Variants in PCDHA12 observed in about 807,000 individuals in gnomAD.
PCDHA12 encodes the protein protocadherin alpha 12, also known as protocadherin alpha-12.
Under a neutral mutation model 60.0 loss-of-function variants are expected in PCDHA12, and 44 were observed. The ratio of observed to expected loss-of-function variants is 0.73; its 90% CI spans 0.58 to 0.94. The LOEUF is 0.94. Among genes scored for constraint, PCDHA12 ranks in the 40% least tolerant of loss-of-function variants. The pLI, the probability that PCDHA12 is intolerant of heterozygous loss-of-function variation, is 0.00. For synonymous variants in PCDHA12, 569 were observed against 553.0 expected (o/e 1.03, Z -0.40); for missense variants, 1,276 against 1,239.7 (o/e 1.03, Z -0.44).
At position 140,998,145 on chromosome 5, in the gene PCDHA12, A is replaced by G. The variant is rs115385085; in HGVS notation, c.2516-11482A>G. ...GAATCATAATAGCTAACCTGTACTG[A>G]ACAGTTAAGCCATGTGCCAAGTATT... On this transcript the variant is annotated intron_variant, in intron 3 of 3. Transcript: ENST00000398631. 2.1e-3 allele frequency among the ~76,000 whole-genome samples: 325 copies of G among 152,342 alleles called. 2 individuals carry two copies. Among genetic ancestry groups the G allele is most frequent in the African/African-American group, 7.1e-3 (294 of 41,566 alleles).
intron 3 of PCDHA12, among the ~76,000 whole-genome samples, chr5:141,007,029 T>C (rs2098299696): frequency 6.6e-6 from 1 of 152,154 alleles, no homozygotes; most frequent in Non-Finnish European, 1.5e-5. Context: ...ATATGGTATT[T>C]ATATCTATGG....
intron 1 of PCDHA12, among the ~76,000 whole-genome samples, chr5:140,892,929 C>T (rs1259333006): frequency 2.6e-5 from 4 of 152,174 alleles, no homozygotes; most frequent in Non-Finnish European, 5.9e-5. Flanking sequence ...TTCCCAGCCT[C>T]TGATAAGCAC....
At chr5:140,967,958 CG>C in intron 1 of PCDHA12, 1 of 1,614,182 alleles carries the variant, frequency 6.2e-7, no homozygotes, top group Non-Finnish European at 8.5e-7. Flanking sequence ...AGGCCCCAAC[CG>C]GAAAGTGAGC....
At chr5:140,961,872 G>A (rs2095639337) in intron 1 of PCDHA12, among the ~76,000 whole-genome samples, 1 of 151,532 alleles carries the variant, frequency 6.6e-6, no homozygotes, top group Non-Finnish European at 1.5e-5. Flanking sequence ...ACAGATAATT[G>A]ACTTACTTAC....
intron 1 of PCDHA12, among the ~76,000 whole-genome samples, chr5:140,957,852 A>ATT (rs5871756): frequency 1.3e-5 from 2 of 151,656 alleles, no homozygotes; most frequent in East Asian, 1.9e-4. Flanking sequence ...GAGTTTGTGT[A>ATT]TTTTTTTTCC....
chr5:140,876,967 G>T lies in PCDHA12; in HGVS notation c.1495G>T (p.Val499Leu), dbSNP rs200960356. Residue 499 changes from valine to leucine, a missense_variant, in exon 1 of 4, where the codon GTG becomes TTG. By Grantham distance (32) the Val-to-Leu change is conservative. Coordinates refer to ENST00000398631, the MANE Select transcript of PCDHA12 (RefSeq NM_018903.4). ...LVSYSLVERR[V>L]GEHALSSYVS... ...GTCCTACTCGCTGGTGGAGCGGCGG[G>T]TGGGCGAGCACGCACTGTCGAGCTA... The T allele has an allele frequency of 3.1e-6, 5 of 1,613,050 alleles. No homozygotes were observed. The South Asian group carries it at 3.3e-5, about 11-fold the overall frequency.
chr5:140,988,214 A>AG (rs1408259452), intron 3 of PCDHA12, among the ~76,000 whole-genome samples: 28 of 152,200 alleles, frequency 1.8e-4, no homozygotes, highest in Non-Finnish European at 4.4e-5. Flanking sequence ...AGGAAAAAAA[A>AG]ATGAGATCAG....
chr5:140,922,799 A>T (rs1188093750), intron 1 of PCDHA12, among the ~76,000 whole-genome samples: 1 of 152,264 alleles, frequency 6.6e-6, no homozygotes, highest in Non-Finnish European at 1.5e-5. Context: ...GCTTTGGAAT[A>T]CAGAAAAAGG....
At position 140,953,007 on chromosome 5, in the gene PCDHA12, T is replaced by C. The variant is rs186896706; in HGVS notation, c.2368-25942T>C. ...TCTCATGAGAACTCTCTCACTATTA[T>C]GAGAACAACATTAAGGGGGAAATCC... On this transcript the variant is annotated intron_variant, in intron 1 of 3. Transcript: ENST00000398631. 5.5e-4 allele frequency among the ~76,000 whole-genome samples: 84 copies of C among 152,242 alleles called. 1 individual carries two copies. In the East Asian group the frequency reaches 0.015, roughly 27 times the overall value.
chr5:140,969,509 C>T (rs1554231905), intron 1 of PCDHA12: 1 of 1,416,140 alleles, frequency 7.1e-7, no homozygotes, highest in Non-Finnish European at 9.4e-7. Context: ...AAAAATAGCA[C>T]TAAAGAATTG....
At chr5:140,906,518 A>G (rs377287696) in intron 1 of PCDHA12, among the ~76,000 whole-genome samples, 161 of 152,358 alleles carry the variant, frequency 1.1e-3, no homozygotes, top group African/African-American at 3.7e-3. Flanking sequence ...AGGAGGAAAT[A>G]CTCACGACAA....
intron 3 of PCDHA12, among the ~76,000 whole-genome samples, chr5:141,006,916 A>G (rs111263219): frequency 0.011 from 1,648 of 152,304 alleles, 31 homozygotes; most frequent in African/African-American, 0.038. Context: ...TGGGATGCCC[A>G]TGAGATTTCC....
chr5:140,902,185 T>TTCTC (rs370111655), intron 1 of PCDHA12, among the ~76,000 whole-genome samples: 1 of 150,794 alleles, frequency 6.6e-6, no homozygotes, highest in African/African-American at 2.4e-5. Context: ...CCTTTATGTC[T>TTCTC]TCTCTCTCTC....
rs142570778 is a variant in PCDHA12 at position 141,009,810 on chromosome 5, A to G, written c.2699A>G (p.Asp900Gly). ...CAGGAGCCTACTAACAGCCAAATTG[A>G]CAAAAGTGACTTCATAACCTTCGGC... ...IRQEPTNSQI[D>G]KSDFITFGKK... The change falls in exon 4 of 4, where the codon GAC (aspartate) becomes GGC (glycine). Residue 900 changes from aspartate to glycine, a missense_variant. Asp to Gly is a moderately conservative substitution (Grantham distance 94). Transcript: ENST00000398631. 8 of 1,614,016 alleles carry G rather than the reference A, an allele frequency of 5.0e-6. No individual in the cohort carries two copies. Among genetic ancestry groups the G allele is most frequent in the Admixed American group, 3.3e-5 (2 of 60,000 alleles).
chr5:140,883,222 A>T lies in PCDHA12; in HGVS notation c.2367+5383A>T, dbSNP rs1164969110. ...TCGAAGAAAAGAAATTATATGAAATATCCGTGGAGGCAGTTGACAAAGGAA... is the reference window on the plus strand; with the variant it reads ...TCGAAGAAAAGAAATTATATGAAATTTCCGTGGAGGCAGTTGACAAAGGAA... On this transcript the variant is annotated intron_variant, in intron 1 of 3. Transcript: ENST00000398631. 8.7e-6 allele frequency: 14 copies of T among 1,613,970 alleles called. No homozygotes were observed. The African/African-American group carries it at 1.7e-4, about 20-fold the overall frequency.
intron 3 of PCDHA12, among the ~76,000 whole-genome samples, chr5:140,984,755 A>G (rs1554246508): frequency 6.6e-6 from 1 of 152,172 alleles, no homozygotes; most frequent in Admixed American, 6.5e-5. Flanking sequence ...TTTGAGTTGA[A>G]TTCTAATCCC....
chr5:140,922,257 G>A (rs2080747240), intron 1 of PCDHA12, among the ~76,000 whole-genome samples: 5 of 152,172 alleles, frequency 3.3e-5, no homozygotes, highest in Admixed American at 3.3e-4. Context: ...AAGTTACTAA[G>A]TGCCATGAAG....
At chr5:140,929,357 G>A (rs1554207016) in intron 1 of PCDHA12, 14 of 1,523,448 alleles carry the variant, frequency 9.2e-6, no homozygotes, top group Non-Finnish European at 1.2e-5. Flanking sequence ...TGATTCCTTT[G>A]GCCCGGAGAT....
At chr5:140,884,239 C>A (rs781996098) in intron 1 of PCDHA12, 1 of 1,613,424 alleles carries the variant, frequency 6.2e-7, no homozygotes, top group South Asian at 1.1e-5. Flanking sequence ...ACGGTGAGCC[C>A]GCGCTGACGG....
Sources: gnomAD v4.1 joint callset for allele counts (sites outside exome capture counted in the v4.1 genomes callset) on GRCh38, gnomAD v4.1.1 for gene constraint, MANE v1.5 for transcripts, NCBI Gene and HGNC (gene_info 2026-07-23, HGNC 2026-07-21) for gene names.